SLC27A4: variants seen among roughly 807,000 people sequenced by gnomAD.
The protein encoded by SLC27A4 is solute carrier family 27 member 4.
Under a neutral mutation model 64.4 loss-of-function variants are expected in SLC27A4, and 33 were observed. That is an observed-to-expected ratio of 0.51 (90% CI 0.39 to 0.68). The LOEUF is 0.68. Among genes scored for constraint, SLC27A4 ranks in the 30% least tolerant of loss-of-function variants. SLC27A4 has a pLI of 0.00. For synonymous variants in SLC27A4, 377 were observed against 370.0 expected (o/e 1.02, Z -0.22); for missense variants, 824 against 883.5 (o/e 0.93, Z 0.85).
At chr9:128,346,856 C>G (rs1346754821) in intron 3 of SLC27A4, among the ~76,000 whole-genome samples, 1 of 151,562 alleles carries the variant, frequency 6.6e-6, no homozygotes, top group Admixed American at 6.6e-5. Context: ...AAAAAAAAAC[C>G]TAGCCGAGCA....
rs765777510 is a variant in SLC27A4 at position 128,345,471 on chromosome 9, C to T, written c.478C>T (p.Leu160=). ...GVEAALINTN[L]RRDALLHCLT... is the part of the protein sequence containing the mutation. ...GGAGGCAGCCCTCATCAACACCAACCTGCGGCGGGATGCTCTGCTCCACTG... is the reference window on the plus strand; with the variant it reads ...GGAGGCAGCCCTCATCAACACCAACTTGCGGCGGGATGCTCTGCTCCACTG... The change falls in exon 3 of 13, where the codon CTG becomes TTG. Residue 160 remains leucine (L), a synonymous_variant. Transcript: ENST00000300456. The surrounding 1 kb of genome is among the most constrained non-coding windows in gnomAD (Gnocchi z 4.1). 1.1e-5 allele frequency: 18 copies of T among 1,613,228 alleles called. No individual in the cohort carries two copies. In the South Asian group the frequency reaches 1.9e-4, roughly 17 times the overall value.
rs552981503 is a variant in SLC27A4, at chr9:128,340,542, G to A, written c.-303G>A. 13 of 179,592 alleles carry A rather than the reference G, an allele frequency of 7.2e-5. No individual in the cohort carries two copies. Among genetic ancestry groups the A allele is most frequent in the African/African-American group, 2.9e-4 (12 of 41,940 alleles). The allele number at this position is 179,592 out of a possible 1,614,324, so 11.1% of individuals were successfully genotyped here. A position where few individuals can be genotyped will look rare whatever the true frequency, so the allele number is the denominator to read the frequency against. ...GAGCGGCGTCAGGCGCGCTGGGGCT[G>A]CGCTGCGCCGCCGGCTCTGTGGCTT... On this transcript the variant is annotated 5_prime_UTR_variant, in exon 1 of 13. Transcript: ENST00000300456.
rs754691051 is a variant in SLC27A4, at chr9:128,353,387, G to T, written c.1198-28G>T. The T allele has an allele frequency of 1.4e-5, 22 of 1,614,150 alleles. No homozygotes were observed. In the South Asian group the frequency reaches 2.2e-4, roughly 16 times the overall value. On this transcript the variant is annotated intron_variant, in intron 8 of 12. Coordinates refer to ENST00000300456, the MANE Select transcript of SLC27A4 (RefSeq NM_005094.4). This position sits in a 1 kb window ranked among gnomAD's most constrained non-coding sequence, Gnocchi z 4.9. ...CCAGTTTTGGGCCCATGGTGAGAGA[G>T]CCCAGGCCCAAGTCTTGGCCTTCGC...
intron 1 of SLC27A4, among the ~76,000 whole-genome samples, chr9:128,341,080 C>G (rs1473312858): frequency 6.6e-6 from 1 of 152,234 alleles, no homozygotes; most frequent in Admixed American, 6.5e-5. Flanking sequence ...CAGGTTCCTG[C>G]CCCTCTGCTA....
At chr9:128,344,528 A>C (rs946545563) in intron 2 of SLC27A4, among the ~76,000 whole-genome samples, 13 of 152,212 alleles carry the variant, frequency 8.5e-5, no homozygotes, top group African/African-American at 2.6e-4. Flanking sequence ...CAAAAAAAAA[A>C]ACAAAAAAAC....
chr9:128,353,310 A>G lies in SLC27A4; in HGVS notation c.1197+76A>G. On this transcript the variant is annotated intron_variant, in intron 8 of 12. Coordinates refer to ENST00000300456, the MANE Select transcript of SLC27A4 (RefSeq NM_005094.4). The surrounding 1 kb of genome is among the most constrained non-coding windows in gnomAD (Gnocchi z 4.9). The stretch of plus-strand genomic sequence containing the variant: ...AGGCACTGGATGCAGAGGGGAGGGC[A>G]GAGTTCGAGCGTGAGAGTGTGGGTG... 6.2e-7 allele frequency: 1 copy of G among 1,609,342 alleles called. No individual in the cohort carries two copies. The highest frequency in any genetic ancestry group is 8.5e-7 in the Non-Finnish European group (1 of 1,176,494).
At position 128,355,942 on chromosome 9, in the gene SLC27A4, C is replaced by T. The variant is rs368202896; in HGVS notation, c.1774+146C>T. 189 of 1,059,432 alleles carry T rather than the reference C, an allele frequency of 1.8e-4. 3 individuals are homozygous for T. In the East Asian group the frequency reaches 3.9e-3, roughly 22 times the overall value. 65.6% of individuals were successfully genotyped at this position (1,059,432 alleles called of 1,614,324 possible). On this transcript the variant is annotated intron_variant, in intron 12 of 12. Transcript: ENST00000300456. The stretch of plus-strand genomic sequence containing the variant: ...ACCTGCCTGTGTAGAGGTGAGCAGA[C>T]GGGGCTGGCAGAGAAGACACACATT...
intron 2 of SLC27A4, 129 bp downstream of exon 2, chr9:128,343,422 C>A: frequency 9.4e-7 from 1 of 1,069,132 alleles, no homozygotes. Flanking sequence ...TCCAGAACAG[C>A]AGCCTCTGCT....
intron 12 of SLC27A4, 130 bp downstream of exon 12, chr9:128,355,926 T>A: frequency 1.6e-6 from 2 of 1,218,138 alleles, no homozygotes; most frequent in Non-Finnish European, 2.4e-6. Context: ...GACCTGCCTG[T>A]GTAGAGGTGA....
chr9:128,346,384 C>T (rs1465439869), intron 3 of SLC27A4, among the ~76,000 whole-genome samples: 1 of 151,948 alleles, frequency 6.6e-6, no homozygotes, highest in African/African-American at 2.4e-5. Flanking sequence ...CAGGCACCCG[C>T]CACCACGCCC....
intron 12 of SLC27A4, among the ~76,000 whole-genome samples, chr9:128,356,341 C>T (rs1832819901): frequency 6.6e-6 from 1 of 152,174 alleles, no homozygotes; most frequent in Non-Finnish European, 1.5e-5. Flanking sequence ...CAGGAAGGAG[C>T]TTGGGTGCTG....
chr9:128,340,917 C>A, intron 1 of SLC27A4, 79 bp downstream of exon 1: 1 of 513,776 alleles, frequency 1.9e-6, no homozygotes, highest in African/African-American at 2.0e-5. Context: ...GGTGCGGACC[C>A]CAGGTGGGGG....
intron 1 of SLC27A4, chr9:128,342,335 T>C (rs934845802): frequency 3.1e-6 from 5 of 1,611,878 alleles, no homozygotes; most frequent in Non-Finnish European, 4.2e-6. Flanking sequence ...AAAGAAACGA[T>C]TGAACAGGAG....
chr9:128,347,242 C>T (rs781384050), intron 3 of SLC27A4, among the ~76,000 whole-genome samples: 108 of 152,078 alleles, frequency 7.1e-4, no homozygotes, highest in Non-Finnish European at 1.1e-3. Flanking sequence ...CTATAAAGAC[C>T]GAGTGAGGTA....
chr9:128,353,332 G>A lies in SLC27A4; in HGVS notation c.1198-83G>A, dbSNP rs1832765727. 9 of 1,610,988 alleles carry A rather than the reference G, an allele frequency of 5.6e-6. No individual in the cohort carries two copies. Among genetic ancestry groups the A allele is most frequent in the Non-Finnish European group, 7.6e-6 (9 of 1,177,704 alleles). The stretch of plus-strand genomic sequence containing the variant: ...GGCAGAGTTCGAGCGTGAGAGTGTG[G>A]GTGCTGGAGTCCCACTTCCCCCTCA... On this transcript the variant is annotated intron_variant, in intron 8 of 12. Coordinates refer to ENST00000300456, the MANE Select transcript of SLC27A4 (RefSeq NM_005094.4). This position sits in a 1 kb window ranked among gnomAD's most constrained non-coding sequence, Gnocchi z 4.9.
intron 12 of SLC27A4, among the ~76,000 whole-genome samples, chr9:128,359,623 T>C (rs1832870333): frequency 6.6e-6 from 1 of 151,988 alleles, no homozygotes; most frequent in Non-Finnish European, 1.5e-5. Context: ...GGACTCCGTC[T>C]CCAATAAAGA....
intron 3 of SLC27A4, among the ~76,000 whole-genome samples, chr9:128,347,137 C>G (rs1413589869): frequency 1.3e-5 from 2 of 152,122 alleles, no homozygotes; most frequent in African/African-American, 4.8e-5. Context: ...AAAATTAATT[C>G]CCCACTTTCC....
Position 128,348,521 on chromosome 9 carries a change from GCTGACTGCCCTGT to G in SLC27A4, c.557-21_557-9del. On this transcript the variant is annotated splice_polypyrimidine_tract_variant and intron_variant, in intron 3 of 12. Transcript: ENST00000300456. ...GAACATGGGGTTTTCTGGCCTGCCT[GCTGACTGCCCTGT>G]CTCCCCACAGCCATCTGTGAGGTCC... The G allele has an allele frequency of 6.2e-7, 1 of 1,612,098 alleles. No individual in the cohort carries two copies.
intron 12 of SLC27A4, among the ~76,000 whole-genome samples, chr9:128,357,662 A>G (rs1389766732): frequency 2.6e-5 from 4 of 152,130 alleles, no homozygotes; most frequent in Non-Finnish European, 5.9e-5. Flanking sequence ...GGTGGCTCTC[A>G]AGAGTTCCCT....
Sources: gnomAD v4.1 joint callset for allele counts (sites outside exome capture counted in the v4.1 genomes callset) on GRCh38, gnomAD v4.1.1 for gene constraint, Gnocchi (gnomAD v3.1) non-coding constraint, MANE v1.5 for transcripts, NCBI Gene and HGNC (gene_info 2026-07-23, HGNC 2026-07-21) for gene names.